Variants in TCAF1 observed in about 807,000 individuals in gnomAD.
TCAF1 encodes the protein TRPM8 channel-associated factor 1.
TCAF1 carries 4 observed loss-of-function variants against 27.3 expected under a neutral mutation model. That is an observed-to-expected ratio of 0.15 (90% confidence interval 0.07 to 0.34). The LOEUF (loss-of-function observed/expected upper bound fraction) is 0.34. TCAF1 is among the 10% of genes least tolerant of loss of function. TCAF1 has a pLI of 1.00. For synonymous variants in TCAF1, 105 were observed against 167.1 expected (o/e 0.63, Z 2.87); for missense variants, 257 against 425.8 (o/e 0.60, Z 3.49).
intron 2 of TCAF1, among the ~76,000 whole-genome samples, chr7:143,875,429 A>G (rs1480285546): frequency 6.6e-6 from 1 of 152,182 alleles, no homozygotes; most frequent in Non-Finnish European, 1.5e-5. Context: ...TCCTGCACCC[A>G]TCACCTGACT....
intron 1 of TCAF1, among the ~76,000 whole-genome samples, chr7:143,894,981 TTAATA>T (rs1205107687): frequency 4.6e-5 from 7 of 151,772 alleles, no homozygotes; most frequent in Non-Finnish European, 7.4e-5. Flanking sequence ...AAAAAGATGC[TTAATA>T]TAATTAGTCA....
At chr7:143,901,305 C>CTG (rs1283940924) in intron 1 of TCAF1, among the ~76,000 whole-genome samples, 2 of 152,186 alleles carry the variant, frequency 1.3e-5, no homozygotes, top group African/African-American at 4.8e-5. Flanking sequence ...CTAGTTCGAG[C>CTG]TGTACTTCTT....
chr7:143,859,915 G>A (rs200210144), intron 6 of TCAF1, among the ~76,000 whole-genome samples: 19,144 of 30,624 alleles, frequency 0.63, 4,990 homozygotes, highest in South Asian at 0.76. Flanking sequence ...TATATATTAC[G>A]GAATATATAT....
intron 1 of TCAF1, among the ~76,000 whole-genome samples, chr7:143,901,274 GAC>G (rs1254315835): frequency 6.6e-6 from 1 of 152,352 alleles, no homozygotes; most frequent in African/African-American, 2.4e-5. Context: ...CAGCTAGACA[GAC>G]ACATTCTGTC....
intron 1 of TCAF1, among the ~76,000 whole-genome samples, chr7:143,886,786 C>A (rs563480580): frequency 2.1e-5 from 3 of 140,222 alleles, no homozygotes; most frequent in African/African-American, 8.2e-5. Flanking sequence ...AACTCCTGGG[C>A]TCAATCGATC....
intron 6 of TCAF1, among the ~76,000 whole-genome samples, chr7:143,859,877 A>G (rs1371615058): frequency 8.5e-6 from 1 of 117,670 alleles, no homozygotes; most frequent in African/African-American, 3.3e-5. Context: ...ATATACATAT[A>G]TACATATATA....
At chr7:143,882,437 C>A (rs889778324) in intron 1 of TCAF1, 24 of 985,426 alleles carry the variant, frequency 2.4e-5, no homozygotes, top group Non-Finnish European at 2.9e-5. Context: ...GTAACTCAAC[C>A]ACACAAAGCA....
rs745805442 is a variant in TCAF1, at chr7:143,876,289, C to A, written c.320G>T (p.Gly107Val). ...CTCAACCTTTGCATCCACTCCAGAG[C>A]CCTCGAGGATTTTGGCCAAAGGTGC... ...SLAPLAKILEGSGVDAKVEPE... is the reference protein window; with the variant it reads ...SLAPLAKILEVSGVDAKVEPE... Residue 107 changes from glycine to valine, a missense_variant, in exon 2 of 9, where the codon GGC (glycine) becomes GTC (valine). Coordinates refer to ENST00000479870, the MANE Select transcript of TCAF1 (RefSeq NM_014719.3). The A allele has an allele frequency of 8.7e-6, 14 of 1,614,082 alleles. No homozygotes were observed. The highest frequency in any genetic ancestry group is 2.7e-5 in the African/African-American group (2 of 74,928).
At position 143,892,607 on chromosome 7, in the gene TCAF1, T is replaced by A. The variant is rs77033011; in HGVS notation, c.-15+9354A>T. Among the ~76,000 whole-genome samples, 1,362 of 151,412 alleles carry A rather than the reference T, an allele frequency of 9.0e-3. 23 individuals are homozygous for A. The highest frequency in any genetic ancestry group is 0.031 in the African/African-American group (1,275 of 41,218). Reference sequence around the variant, plus strand: ...CAGTGGTGCGATCTTGGCTCACTGCTGCCTCGGCTCACTGCAACCTTGCTT... The same window carrying A: ...CAGTGGTGCGATCTTGGCTCACTGCAGCCTCGGCTCACTGCAACCTTGCTT... On this transcript the variant is annotated intron_variant, in intron 1 of 8. Transcript: ENST00000479870.
At chr7:143,890,275 A>G (rs1813584112) in intron 1 of TCAF1, among the ~76,000 whole-genome samples, 2 of 152,050 alleles carry the variant, frequency 1.3e-5, no homozygotes, top group South Asian at 4.1e-4. Context: ...GTGCTGGGAG[A>G]AGGGCACCCA....
chr7:143,888,102 C>A (rs1202083743), intron 1 of TCAF1, among the ~76,000 whole-genome samples: 1 of 152,236 alleles, frequency 6.6e-6, no homozygotes, highest in South Asian at 2.1e-4. Flanking sequence ...AAATATCTAA[C>A]TTTAATAAGG....
At chr7:143,901,600 T>C (rs1372630798) in intron 1 of TCAF1, among the ~76,000 whole-genome samples, 2 of 152,162 alleles carry the variant, frequency 1.3e-5, no homozygotes, top group Non-Finnish European at 2.9e-5. Flanking sequence ...AACTTCCACC[T>C]GGGCTTAACG....
At chr7:143,897,874 A>G (rs893578982) in intron 1 of TCAF1, among the ~76,000 whole-genome samples, 1 of 152,112 alleles carries the variant, frequency 6.6e-6, no homozygotes, top group African/African-American at 2.4e-5. Context: ...ATATTATTTT[A>G]TGATAATACC....
intron 1 of TCAF1, among the ~76,000 whole-genome samples, chr7:143,887,304 T>C (rs1344493226): frequency 6.6e-6 from 1 of 152,200 alleles, no homozygotes; most frequent in African/African-American, 2.4e-5. Flanking sequence ...GCTCAATTCA[T>C]ACCTTGAGAA....
In TCAF1 at chr7:143,853,496, G is replaced by A. The variant is rs574816420; in HGVS notation, c.*637C>T. On this transcript the variant is annotated 3_prime_UTR_variant, in exon 9 of 9. Transcript: ENST00000479870. ...TTCTTATTCCTCTTCCCTCCCCATC[G>A]CCCATGTCTGGGAATTTCTAACTCA... The A allele has an allele frequency of 2.3e-5, 1 of 42,742 alleles. No homozygotes were observed. Among genetic ancestry groups the A allele is most frequent in the African/African-American group, 5.4e-5 (1 of 18,530 alleles). The allele number at this position is 42,742 out of a possible 1,614,324, so 2.6% of individuals were successfully genotyped here.
chr7:143,893,156 T>G (rs1813725514), intron 1 of TCAF1, among the ~76,000 whole-genome samples: 1 of 152,290 alleles, frequency 6.6e-6, no homozygotes, highest in South Asian at 2.1e-4. Flanking sequence ...AACATTACTG[T>G]CAGCAAGTGT....
At position 143,860,021 on chromosome 7, in the gene TCAF1, T is replaced by A. The variant is rs12673286; in HGVS notation, c.2167+187A>T. ...TATATAATATATATATAATATATAT[T>A]ATATATTATATATATAATATATAAT... On this transcript the variant is annotated intron_variant, in intron 6 of 8. Transcript: ENST00000479870. Among the ~76,000 whole-genome samples the A allele has an allele frequency of 5.8e-4, 19 of 32,714 alleles. 1 individual carries two copies. The highest frequency in any genetic ancestry group is 4.0e-3 in the South Asian group (7 of 1,756). The allele number at this position is 32,714 out of a possible 152,430, so 21.5% of individuals were successfully genotyped here.
intron 1 of TCAF1, among the ~76,000 whole-genome samples, chr7:143,883,462 G>A (rs1235240577): frequency 2.0e-5 from 3 of 149,506 alleles, no homozygotes; most frequent in Non-Finnish European, 3.0e-5. Context: ...TGTATTTTTC[G>A]GTGTACAGTT....
chr7:143,880,474 T>C (rs902898691), intron 1 of TCAF1, among the ~76,000 whole-genome samples: 1 of 152,188 alleles, frequency 6.6e-6, no homozygotes, highest in Non-Finnish European at 1.5e-5. Context: ...ATCACATTGA[T>C]TACATTAGGA....
Sources: gnomAD v4.1 joint callset for allele counts (sites outside exome capture counted in the v4.1 genomes callset) on GRCh38, gnomAD v4.1.1 for gene constraint, MANE v1.5 for transcripts, NCBI Gene and HGNC (gene_info 2026-07-23, HGNC 2026-07-21) for gene names.